The following DDX21 variants were observed in gnomAD, a reference collection of about 807,000 sequenced individuals.
DDX21 encodes nucleolar RNA helicase 2.
Under a neutral mutation model 90.0 loss-of-function variants are expected in DDX21, and 18 were observed. That is an observed-to-expected ratio of 0.20 (90% CI 0.14 to 0.30). DDX21 has a LOEUF of 0.30. Among genes scored for constraint, DDX21 ranks in the 10% least tolerant of loss-of-function variants. The pLI is 1.00. For missense variants in DDX21, 673 were observed against 944.5 expected, an observed-to-expected ratio of 0.71 and a Z score of 3.77; for synonymous variants, 294 against 318.0, an observed-to-expected ratio of 0.92 and a Z score of 0.80.
At position 68,977,952 on chromosome 10, in the gene DDX21, T is replaced by TA. The variant is rs112705054; in HGVS notation, c.1902+278dup. On this transcript the variant is annotated intron_variant, in intron 12 of 14. Coordinates refer to ENST00000354185, the MANE Select transcript of DDX21 (RefSeq NM_004728.4). ...GTGATACTCTGTCTCTACAAAAAAATAAAAAAAAAAAAAATTAGCTGGGCG... is the reference window on the plus strand; with the variant it reads ...GTGATACTCTGTCTCTACAAAAAAATAAAAAAAAAAAAAAATTAGCTGGGCG... Among the ~76,000 whole-genome samples the TA allele has an allele frequency of 1.0e-3, 141 of 138,012 alleles. 1 individual carries two copies. The highest frequency in any genetic ancestry group is 1.5e-3 in the African/African-American group (58 of 37,554). 90.5% of individuals were successfully genotyped at this position (138,012 alleles called of 152,430 possible).
At chr10:68,958,765 G>T (rs1564624470) in intron 1 of DDX21, among the ~76,000 whole-genome samples, 1 of 152,006 alleles carries the variant, frequency 6.6e-6, no homozygotes, top group African/African-American at 2.4e-5. Flanking sequence ...AATAGAGACG[G>T]GGTCTCGCTA....
At chr10:68,968,862 C>T (rs1842979829) in intron 6 of DDX21, 114 bp from the exon 7 acceptor site, 8 of 1,259,322 alleles carry the variant, frequency 6.4e-6, no homozygotes, top group Admixed American at 2.5e-5. Context: ...CCGACTTGGC[C>T]TCAGGTGGTT....
chr10:68,979,928 A>G (rs867792077), intron 13 of DDX21, among the ~76,000 whole-genome samples: 7 of 152,160 alleles, frequency 4.6e-5, no homozygotes, highest in Non-Finnish European at 1.5e-5. Context: ...TCCTCAGTGC[A>G]TGCTGAACCT....
chr10:68,976,455 T>A (rs968233426), intron 11 of DDX21, among the ~76,000 whole-genome samples: 1 of 151,782 alleles, frequency 6.6e-6, no homozygotes, highest in Non-Finnish European at 1.5e-5. Flanking sequence ...GCCCAGCTAA[T>A]TTTTTGTATT....
chr10:68,982,651 A>G lies in DDX21; in HGVS notation c.2191A>G (p.Ser731Gly), dbSNP rs1284637977. 5 of 1,613,278 alleles carry G rather than the reference A, an allele frequency of 3.1e-6. No individual in the cohort carries two copies. In the South Asian group the frequency reaches 5.5e-5, roughly 18 times the overall value. ...AGGCTTCAGGGGACAGCGGGAAGGC[A>G]GTCGAGGCTTCAGGGGACAGCGGGA... ...YGGFRGQREGSRGFRGQRDGN... is the reference protein window; with the variant it reads ...YGGFRGQREGGRGFRGQRDGN... Residue 731 changes from serine (S) to glycine (G), a missense_variant, in exon 15 of 15, where the codon AGT (serine) becomes GGT (glycine). This residue lies in a region of DDX21 where 225 missense variants were observed against 298.8 expected (regional missense o/e 0.75). Coordinates refer to ENST00000354185, the MANE Select transcript of DDX21 (RefSeq NM_004728.4).
In DDX21 at chr10:68,974,711, A is replaced by T. The variant is rs1174177996; in HGVS notation, c.1710A>T (p.Glu570Asp). ...FKRIGVPSAT[E>D]IIKASSKDAI... is the part of the protein sequence containing the mutation. The stretch of plus-strand genomic sequence containing the variant: ...GAATAGGTGTTCCTTCTGCAACAGA[A>T]ATAATAAAAGCTTCCAGCAAAGATG... The change falls in exon 11 of 15, where the codon GAA becomes GAT. Residue 570 changes from glutamate to aspartate, a missense_variant. Physicochemically the swap from Glu to Asp is conservative, Grantham distance 45. Around this residue, in one of 4 missense-constraint regions of DDX21, gnomAD observed 225 missense variants for 298.8 expected, o/e 0.75. Transcript: ENST00000354185. 1.2e-6 allele frequency: 2 copies of T among 1,614,110 alleles called. No homozygotes were observed. Among genetic ancestry groups the T allele is most frequent in the Non-Finnish European group, 1.7e-6 (2 of 1,179,982 alleles).
rs533765712 is a variant in DDX21, at chr10:68,965,200, A to G, written c.787-177A>G. ...CAAGAATTGAATCAGAATAATATAT[A>G]TAAAGAATTTAGTAGAGTCTCAGAT... is the stretch of plus-strand genomic sequence containing the variant. On this transcript the variant is annotated intron_variant, in intron 4 of 14. Transcript: ENST00000354185. Among the ~76,000 whole-genome samples the G allele has an allele frequency of 1.8e-3, 274 of 152,350 alleles. 1 individual carries two copies. The highest frequency in any genetic ancestry group is 6.4e-3 in the African/African-American group (265 of 41,590).
At chr10:68,956,457 C>G (rs553487021) in intron 1 of DDX21, 145 bp downstream of exon 1, 2 of 1,479,126 alleles carry the variant, frequency 1.4e-6, no homozygotes, top group East Asian at 5.0e-5. Flanking sequence ...GGCGGGCGGT[C>G]GCCCAGGAGT....
At chr10:68,963,877 G>A (rs938018057) in intron 4 of DDX21, among the ~76,000 whole-genome samples, 5 of 152,004 alleles carry the variant, frequency 3.3e-5, no homozygotes, top group Admixed American at 2.6e-4. Context: ...GAGGTGGGCG[G>A]ATCACGAGGT....
At chr10:68,961,155 G>T (rs1842867746) in intron 2 of DDX21, among the ~76,000 whole-genome samples, 1 of 152,154 alleles carries the variant, frequency 6.6e-6, no homozygotes, top group African/African-American at 2.4e-5. Context: ...GGCTGGTCTA[G>T]AACTTGTGGC....
At chr10:68,975,546 G>A (rs1843086500) in intron 11 of DDX21, among the ~76,000 whole-genome samples, 1 of 152,182 alleles carries the variant, frequency 6.6e-6, no homozygotes, top group Non-Finnish European at 1.5e-5. Context: ...CACAATTACT[G>A]TAAATGCTTA....
chr10:68,966,354 C>G (rs961793894), intron 5 of DDX21, among the ~76,000 whole-genome samples: 1 of 151,706 alleles, frequency 6.6e-6, no homozygotes, highest in Non-Finnish European at 1.5e-5. Flanking sequence ...GGATTACAGG[C>G]GTGAGCCACC....
At chr10:68,970,408 G>T in intron 8 of DDX21, 58 bp downstream of exon 8, 2 of 1,529,622 alleles carry the variant, frequency 1.3e-6, no homozygotes, top group South Asian at 2.4e-5. Flanking sequence ...TTCACCTTGG[G>T]CATATCTGCT....
intron 5 of DDX21, 32 bp from the exon 6 acceptor site, chr10:68,966,986 A>T: frequency 6.3e-7 from 1 of 1,595,968 alleles, no homozygotes; most frequent in East Asian, 2.2e-5. Flanking sequence ...ACTTACTAAA[A>T]ACCCAGCAAA....
chr10:68,972,148 A>G (rs1345572250), intron 9 of DDX21, 96 bp downstream of exon 9: 5 of 1,391,068 alleles, frequency 3.6e-6, no homozygotes, highest in Middle Eastern at 2.0e-4. Flanking sequence ...TCATTAGTAT[A>G]TAGCTATCTT....
At chr10:68,970,422 G>C in intron 8 of DDX21, 72 bp downstream of exon 8, 2 of 1,440,130 alleles carry the variant, frequency 1.4e-6, no homozygotes, top group Non-Finnish European at 1.9e-6. Flanking sequence ...ATCTGCTCTT[G>C]GTCTGATTTT....
chr10:68,978,695 A>G (rs1454187433), intron 12 of DDX21, 147 bp from the exon 13 acceptor site: 9 of 1,019,206 alleles, frequency 8.8e-6, no homozygotes, highest in Non-Finnish European at 1.3e-5. Flanking sequence ...AAGTAAAACG[A>G]GGGACTGTTC....
chr10:68,973,607 C>T lies in DDX21; in HGVS notation c.1611C>T (p.Cys537=), dbSNP rs1843056193. Residue 537 remains cysteine, a synonymous_variant, in exon 10 of 15, where the codon TGC becomes TGT. Coordinates refer to ENST00000354185, the MANE Select transcript of DDX21 (RefSeq NM_004728.4). ...GCAGAGCTGGAAGGACGGGGGTGTGCATCTGCTTTTATCAGCACAAGGAAG... is the reference window on the plus strand; with the variant it reads ...GCAGAGCTGGAAGGACGGGGGTGTGTATCTGCTTTTATCAGCACAAGGAAG... The part of the protein sequence containing the change: ...RTGRAGRTGV[C]ICFYQHKEEY... 6.2e-7 allele frequency: 1 copy of T among 1,614,120 alleles called. No homozygotes were observed. Among genetic ancestry groups the T allele is most frequent in the East Asian group, 2.2e-5 (1 of 44,880 alleles).
chr10:68,956,581 GGCCCTGTTGGA>G (rs1842798698), intron 1 of DDX21: 3 of 1,283,026 alleles, frequency 2.3e-6, no homozygotes, highest in African/African-American at 3.0e-5. Context: ...CTGGTAGAGA[GGCCCTGTTGGA>G]GCTCGGGAGA....
Sources: gnomAD v4.1 joint callset for allele counts (sites outside exome capture counted in the v4.1 genomes callset) on GRCh38, gnomAD v4.1.1 for gene constraint, gnomAD v4.1.1 regional missense constraint, MANE v1.5 for transcripts, NCBI Gene and HGNC (gene_info 2026-07-23, HGNC 2026-07-21) for gene names.